The following PSD3 variants were observed in gnomAD, a reference collection of about 807,000 sequenced individuals.
PSD3 encodes pleckstrin and Sec7 domain containing 3.
Under a neutral mutation model 105.5 loss-of-function variants are expected in PSD3, and 49 were observed. The ratio of observed to expected loss-of-function variants is 0.46; its 90% CI spans 0.37 to 0.59. The LOEUF is 0.59. Among genes scored for constraint, PSD3 ranks in the 20% least tolerant of loss-of-function variants. The pLI is 0.00. For missense variants in PSD3, 1,561 were observed against 1,263.8 expected (o/e 1.24, Z -3.57); for synonymous variants, 557 against 457.8 (o/e 1.22, Z -2.77).
chr8:18,738,606 A>G (rs1392872064), intron 9 of PSD3, among the ~76,000 whole-genome samples: 1 of 152,198 alleles, frequency 6.6e-6, no homozygotes, highest in African/African-American at 2.4e-5. Context: ...AGAAATGTGA[A>G]TTCCATCACA....
At chr8:19,010,177 G>C (rs547705803) in intron 1 of PSD3, among the ~76,000 whole-genome samples, 1 of 152,298 alleles carries the variant, frequency 6.6e-6, no homozygotes, top group African/African-American at 2.4e-5. Flanking sequence ...CAAGGAGTGA[G>C]TGGTCTGCCA....
chr8:18,550,967 G>T (rs1447558985), intron 15 of PSD3, among the ~76,000 whole-genome samples: 1 of 152,088 alleles, frequency 6.6e-6, no homozygotes, highest in African/African-American at 2.4e-5. Context: ...TCTTTAACTA[G>T]TTTAACAGAA....
At chr8:18,813,190 A>G (rs1336408231) in intron 4 of PSD3, among the ~76,000 whole-genome samples, 1 of 152,198 alleles carries the variant, frequency 6.6e-6, no homozygotes, top group African/African-American at 2.4e-5. Flanking sequence ...TACAAGACTA[A>G]CCCTGACTTA....
At chr8:18,582,816 CTTTTTTTTTTTTTTTT>C (rs71217386) in intron 12 of PSD3, among the ~76,000 whole-genome samples, 2 of 125,470 alleles carry the variant, frequency 1.6e-5, no homozygotes, top group Non-Finnish European at 1.6e-5. Context: ...CCACACTGAT[CTTTTTTTTTTTTTTTT>C]TTTTTTTTTT....
At chr8:18,771,522 G>A (rs187184138) in intron 8 of PSD3, among the ~76,000 whole-genome samples, 656 of 152,240 alleles carry the variant, frequency 4.3e-3, no homozygotes, top group Non-Finnish European at 7.5e-3. Context: ...ATTTTTGTAC[G>A]ATAGAAAGCA....
chr8:18,761,720 C>T (rs899433178), intron 9 of PSD3, among the ~76,000 whole-genome samples: 2 of 152,286 alleles, frequency 1.3e-5, no homozygotes, highest in African/African-American at 2.4e-5. Flanking sequence ...GAATGTTTTA[C>T]AAAATCTATC....
At chr8:18,811,617 A>G (rs1811688765) in intron 4 of PSD3, among the ~76,000 whole-genome samples, 1 of 152,180 alleles carries the variant, frequency 6.6e-6, no homozygotes, top group Non-Finnish European at 1.5e-5. Flanking sequence ...GGCCTCATGG[A>G]GAAGGCAACA....
intron 2 of PSD3, among the ~76,000 whole-genome samples, chr8:18,932,305 A>C (rs1026075909): frequency 1.2e-4 from 19 of 152,240 alleles, no homozygotes; most frequent in Admixed American, 1.3e-4. Flanking sequence ...CTTTGCATTC[A>C]GTAAAGTGGG....
chr8:18,646,627 C>T (rs147015440), intron 10 of PSD3, among the ~76,000 whole-genome samples: 1 of 151,756 alleles, frequency 6.6e-6, no homozygotes, highest in African/African-American at 2.4e-5. Context: ...TGAAAGGCGA[C>T]AAATTATATT....
At chr8:19,015,519 A>C (rs1586631566), upstream of PSD3, among the ~76,000 whole-genome samples, 1 of 152,340 alleles carries the variant, frequency 6.6e-6, no homozygotes, top group Non-Finnish European at 1.5e-5. Flanking sequence ...AAGCATCAAA[A>C]GTAAGACCCA....
intron 4 of PSD3, among the ~76,000 whole-genome samples, chr8:18,820,442 C>T (rs1023233773): frequency 6.6e-6 from 1 of 152,116 alleles, no homozygotes; most frequent in Admixed American, 6.5e-5. Context: ...ATACCAAAAT[C>T]CATGGATGTT....
At chr8:18,564,174 T>C (rs1157798272) in intron 14 of PSD3, among the ~76,000 whole-genome samples, 1 of 152,044 alleles carries the variant, frequency 6.6e-6, no homozygotes, top group Admixed American at 6.6e-5. Context: ...TTACTGGGAT[T>C]GACAGTGGAA....
chr8:18,871,917 G>T lies in PSD3; in HGVS notation c.947C>A (p.Thr316Asn). ...ILWTGGDKRE[T>N]QHPIDFETSL... Reference sequence around the variant, plus strand: ...TGTCTCAAAATCTATAGGATGCTGGGTCTCTCTCTTGTCTCCTCCTGTCCA... The same window carrying T: ...TGTCTCAAAATCTATAGGATGCTGGTTCTCTCTCTTGTCTCCTCCTGTCCA... The change falls in exon 3 of 16, where the codon ACC becomes AAC. Residue 316 changes from threonine to asparagine, a missense_variant. Physicochemically the swap from Thr to Asn is moderately conservative, Grantham distance 65. Transcript: ENST00000327040. 1 of 1,614,178 alleles carries T rather than the reference G, an allele frequency of 6.2e-7. No homozygotes were observed. Among genetic ancestry groups the T allele is most frequent in the Non-Finnish European group, 8.5e-7 (1 of 1,180,020 alleles).
chr8:18,831,860 A>G (rs1813706032), intron 4 of PSD3, among the ~76,000 whole-genome samples: 1 of 152,194 alleles, frequency 6.6e-6, no homozygotes, highest in Non-Finnish European at 1.5e-5. Flanking sequence ...TTCAGTTCTG[A>G]GTTCAGTGTG....
chr8:18,572,433 C>T (rs902745169), intron 14 of PSD3, 95 bp downstream of exon 14: 29 of 1,463,714 alleles, frequency 2.0e-5, no homozygotes, highest in African/African-American at 1.8e-4. Flanking sequence ...TCACACCTGC[C>T]CCCAAAACAT....
intron 1 of PSD3, among the ~76,000 whole-genome samples, chr8:18,966,471 T>G (rs1384129774): frequency 6.6e-6 from 1 of 151,312 alleles, no homozygotes; most frequent in Non-Finnish European, 1.5e-5. Context: ...CTCGCAAGGC[T>G]GAGGTAGGAG....
chr8:18,820,308 G>A (rs1812587670), intron 4 of PSD3, among the ~76,000 whole-genome samples: 1 of 150,738 alleles, frequency 6.6e-6, no homozygotes, highest in South Asian at 2.1e-4. Context: ...AATAAATTAA[G>A]ATACTGACTT....
intron 9 of PSD3, among the ~76,000 whole-genome samples, chr8:18,666,642 G>A (rs1246520045): frequency 1.3e-5 from 2 of 151,072 alleles, no homozygotes; most frequent in African/African-American, 4.9e-5. Flanking sequence ...TTTGGAGAAA[G>A]CTCCATGTAC....
intron 12 of PSD3, among the ~76,000 whole-genome samples, chr8:18,580,246 A>G (rs1020530793): frequency 6.6e-5 from 10 of 152,274 alleles, no homozygotes; most frequent in African/African-American, 2.4e-4. Context: ...ACAGGAGACC[A>G]GGCCAGAGAT....
Sources: allele counts gnomAD v4.1 joint callset (sites outside exome capture counted in the v4.1 genomes callset), GRCh38; gene constraint gnomAD v4.1.1; transcripts MANE v1.5; gene names NCBI Gene and HGNC (gene_info 2026-07-23, HGNC 2026-07-21).